STPG2: variants seen among roughly 807,000 people sequenced by gnomAD.
STPG2 encodes the protein sperm tail PG-rich repeat containing 2.
In STPG2, 56 loss-of-function variants were observed where a neutral mutation model predicts 54.2. The ratio of observed to expected loss-of-function variants is 1.03; its 90% CI spans 0.83 to 1.29. STPG2 has a LOEUF of 1.29. STPG2 is among the 50% of genes most tolerant of loss of function. STPG2 has a pLI of 0.00. For synonymous variants in STPG2, 200 were observed against 181.8 expected, an observed-to-expected ratio of 1.10 and a Z score of -0.81; for missense variants, 596 against 544.9, an observed-to-expected ratio of 1.09 and a Z score of -0.93.
intron 5 of STPG2, among the ~76,000 whole-genome samples, chr4:98,069,656 C>T (rs955692617): frequency 6.6e-6 from 1 of 152,090 alleles, no homozygotes; most frequent in African/African-American, 2.4e-5. Flanking sequence ...TTTCCATACA[C>T]ATCTAGACAT....
intron 8 of STPG2, among the ~76,000 whole-genome samples, chr4:97,938,718 C>G (rs1226834389): frequency 6.6e-6 from 1 of 152,146 alleles, no homozygotes; most frequent in African/African-American, 2.4e-5. Flanking sequence ...TGCCCCTTAC[C>G]CCATGTGGCT....
At chr4:97,466,230 TTGTC>T (rs1270166022) in intron 4 of STPG2, among the ~76,000 whole-genome samples, 2 of 152,198 alleles carry the variant, frequency 1.3e-5, no homozygotes, top group South Asian at 2.1e-4. Flanking sequence ...TAGAGTCTAT[TTGTC>T]TGAGATAGAA....
At chr4:97,855,491 T>A (rs942958902) in intron 8 of STPG2, among the ~76,000 whole-genome samples, 2 of 152,316 alleles carry the variant, frequency 1.3e-5, no homozygotes, top group East Asian at 1.9e-4. Flanking sequence ...TGTCTGTTCA[T>A]GTCCTTCGCC....
At chr4:97,642,608 C>G (rs201660802) in intron 10 of STPG2, among the ~76,000 whole-genome samples, 1 of 151,358 alleles carries the variant, frequency 6.6e-6, no homozygotes, top group East Asian at 1.9e-4. Context: ...CAGCATATAA[C>G]TTGTTTTCAT....
intron 7 of STPG2, among the ~76,000 whole-genome samples, chr4:97,949,504 T>C (rs1733384881): frequency 6.6e-6 from 1 of 152,152 alleles, no homozygotes; most frequent in Admixed American, 6.6e-5. Flanking sequence ...TTATAGGCCG[T>C]GTGAGTTTTA....
intron 4 of STPG2, among the ~76,000 whole-genome samples, chr4:97,541,316 T>C (rs11943310): frequency 6.6e-6 from 1 of 151,734 alleles, no homozygotes; most frequent in Non-Finnish European, 1.5e-5. Context: ...AGCATTCTTA[T>C]ACACCAATAA....
intron 10 of STPG2, among the ~76,000 whole-genome samples, chr4:97,682,934 G>C (rs1330834886): frequency 2.6e-5 from 4 of 151,796 alleles, no homozygotes; most frequent in Non-Finnish European, 4.4e-5. Context: ...GGAAACTGGA[G>C]ACTATATGAT....
At chr4:97,813,043 G>A (rs981497417) in intron 9 of STPG2, among the ~76,000 whole-genome samples, 1 of 151,958 alleles carries the variant, frequency 6.6e-6, no homozygotes, top group East Asian at 1.9e-4. Flanking sequence ...ATCAAGTTCT[G>A]TTACCTCTAC....
chr4:98,101,771 T>C (rs537821360), intron 5 of STPG2, among the ~76,000 whole-genome samples: 2 of 152,266 alleles, frequency 1.3e-5, no homozygotes, highest in Non-Finnish European at 2.9e-5. Context: ...TTCTTCTCCA[T>C]GACATTGAAC....
intron 10 of STPG2, among the ~76,000 whole-genome samples, chr4:97,583,552 T>TA (rs1298050942): frequency 4.2e-4 from 17 of 40,182 alleles, no homozygotes; most frequent in African/African-American, 4.2e-3. Context: ...ATAGTCAACT[T>TA]AGAGTGTTAT....
rs79134677 is a variant in STPG2 at position 98,134,366 on chromosome 4, T to C, written c.203A>G (p.Tyr68Cys). Residue 68 changes from tyrosine to cysteine, a missense_variant, in exon 2 of 11, where the codon TAT becomes TGT. Transcript: ENST00000295268. ...AGTTACCTGTGCTTCTGAAACATTA[T>C]AGTGTCCTGGACCTGGAACAGCTTT... ...IEKAVPGPGH[Y>C]NVSEAQKISR... The C allele has an allele frequency of 2.4e-3, 3,771 of 1,559,936 alleles. 81 individuals carry two copies. The African/African-American group carries it at 0.046, about 19-fold the overall frequency.
intron 8 of STPG2, among the ~76,000 whole-genome samples, chr4:97,857,626 AAG>A (rs776362794): frequency 2.6e-5 from 4 of 151,978 alleles, no homozygotes; most frequent in Non-Finnish European, 4.4e-5. Flanking sequence ...CATTTTTTTC[AAG>A]AGTTATTCAT....
chr4:98,062,289 G>A (rs952959090), intron 5 of STPG2, among the ~76,000 whole-genome samples: 1 of 152,108 alleles, frequency 6.6e-6, no homozygotes, highest in Non-Finnish European at 1.5e-5. Flanking sequence ...ACTGCTGTTT[G>A]TCTAGTTGTA....
intron 8 of STPG2, among the ~76,000 whole-genome samples, chr4:97,937,369 G>A (rs761423947): frequency 3.9e-5 from 6 of 151,956 alleles, no homozygotes; most frequent in Admixed American, 1.3e-4. Flanking sequence ...CCTTTCTAAA[G>A]GCTACTTCTG....
At chr4:98,028,701 A>G (rs1401559482) in intron 5 of STPG2, among the ~76,000 whole-genome samples, 1 of 152,026 alleles carries the variant, frequency 6.6e-6, no homozygotes, top group Non-Finnish European at 1.5e-5. Context: ...TATTTCACCT[A>G]CTTCCACTCA....
chr4:97,920,405 A>C (rs948452278), intron 8 of STPG2, among the ~76,000 whole-genome samples: 1 of 152,188 alleles, frequency 6.6e-6, no homozygotes, highest in Non-Finnish European at 1.5e-5. Context: ...GAGACTGCCA[A>C]CTAGTATTTT....
intron 10 of STPG2, among the ~76,000 whole-genome samples, chr4:97,695,295 C>T (rs555777077): frequency 6.6e-6 from 1 of 152,120 alleles, no homozygotes; most frequent in East Asian, 1.9e-4. Flanking sequence ...ATCCAGCATC[C>T]CTTTATGATT....
intron 9 of STPG2, among the ~76,000 whole-genome samples, chr4:97,738,204 G>T (rs1474719948): frequency 6.6e-6 from 1 of 152,174 alleles, no homozygotes; most frequent in African/African-American, 2.4e-5. Context: ...AAGAGCTCCT[G>T]AAGGAAGCAC....
chr4:97,666,801 T>C (rs1261326964), intron 10 of STPG2, among the ~76,000 whole-genome samples: 1 of 152,206 alleles, frequency 6.6e-6, no homozygotes, highest in Non-Finnish European at 1.5e-5. Flanking sequence ...ATCATAAAGA[T>C]ATTATTAGAG....
Sources: gnomAD v4.1 joint callset for allele counts (sites outside exome capture counted in the v4.1 genomes callset) on GRCh38, gnomAD v4.1.1 for gene constraint, MANE v1.5 for transcripts, NCBI Gene and HGNC (gene_info 2026-07-23, HGNC 2026-07-21) for gene names.